SPATA16: variants seen among roughly 807,000 people sequenced by gnomAD.
The protein encoded by SPATA16 is spermatogenesis-associated protein 16.
SPATA16 carries 36 observed loss-of-function variants against 63.3 expected under a neutral mutation model. The observed-to-expected ratio is 0.57, with a 90% CI of 0.44 to 0.75. The LOEUF is 0.75. Among genes scored for constraint, SPATA16 ranks in the 30% least tolerant of loss-of-function variants. SPATA16 has a pLI of 0.00. For synonymous variants in SPATA16, 203 were observed against 216.7 expected (o/e 0.94, Z 0.56); for missense variants, 646 against 679.3 (o/e 0.95, Z 0.54).
intron 2 of SPATA16, among the ~76,000 whole-genome samples, chr3:173,092,968 T>C (rs1201005368): frequency 1.3e-5 from 2 of 152,006 alleles, no homozygotes; most frequent in Non-Finnish European, 2.9e-5. Flanking sequence ...CATTGTACTG[T>C]ATTTCCTTTT....
intron 2 of SPATA16, among the ~76,000 whole-genome samples, chr3:173,072,391 T>C (rs2108308019): frequency 6.6e-6 from 1 of 152,262 alleles, no homozygotes. Flanking sequence ...AAGGTGGTGA[T>C]ATGGTTTGGC....
chr3:173,073,683 A>T (rs1245959646), intron 2 of SPATA16, among the ~76,000 whole-genome samples: 1 of 152,234 alleles, frequency 6.6e-6, no homozygotes, highest in Non-Finnish European at 1.5e-5. Context: ...ACCCTCATGG[A>T]GAACCTCTGC....
At chr3:173,066,108 C>T (rs1299666154) in intron 2 of SPATA16, among the ~76,000 whole-genome samples, 2 of 152,104 alleles carry the variant, frequency 1.3e-5, no homozygotes, top group Admixed American at 1.3e-4. Context: ...GACTGTGCCT[C>T]ACAATTTCGA....
intron 2 of SPATA16, among the ~76,000 whole-genome samples, chr3:173,066,954 G>T (rs1461839831): frequency 6.8e-6 from 1 of 148,122 alleles, no homozygotes; most frequent in Non-Finnish European, 1.5e-5. Flanking sequence ...CTTCATTAGA[G>T]AAACAAAGAT....
intron 1 of SPATA16, among the ~76,000 whole-genome samples, chr3:173,132,482 G>A (rs560342000): frequency 8.5e-5 from 13 of 152,232 alleles, no homozygotes; most frequent in African/African-American, 3.1e-4. Flanking sequence ...ATTGACTGTT[G>A]TCACTTGACT....
At chr3:172,913,380 G>A (rs577804347) in intron 10 of SPATA16, among the ~76,000 whole-genome samples, 4 of 152,186 alleles carry the variant, frequency 2.6e-5, no homozygotes, top group South Asian at 2.1e-4. Flanking sequence ...AACCGAGAAC[G>A]AAGGCGCAGA....
intron 2 of SPATA16, among the ~76,000 whole-genome samples, chr3:173,098,804 CTT>C (rs1227886881): frequency 6.6e-6 from 1 of 152,268 alleles, no homozygotes; most frequent in East Asian, 1.9e-4. Context: ...ATGGAATACT[CTT>C]TTCTGATAGA....
At chr3:172,960,721 G>T (rs1379651858) in intron 5 of SPATA16, among the ~76,000 whole-genome samples, 1 of 152,046 alleles carries the variant, frequency 6.6e-6, no homozygotes, top group East Asian at 1.9e-4. Context: ...CAGCAAAAAA[G>T]AAACAAAATT....
chr3:173,106,494 C>T (rs1040888347), intron 2 of SPATA16, among the ~76,000 whole-genome samples: 1 of 152,192 alleles, frequency 6.6e-6, no homozygotes, highest in Non-Finnish European at 1.5e-5. Context: ...TAGTAACCAG[C>T]ACAATGTTGC....
chr3:172,974,045 CCTTT>C (rs1734102271), intron 5 of SPATA16, among the ~76,000 whole-genome samples: 1 of 152,096 alleles, frequency 6.6e-6, no homozygotes, highest in Non-Finnish European at 1.5e-5. Flanking sequence ...GTGCTTTATG[CCTTT>C]CTTTTCCTTG....
intron 5 of SPATA16, among the ~76,000 whole-genome samples, chr3:172,969,953 G>A (rs750803507): frequency 5.3e-5 from 8 of 152,296 alleles, no homozygotes; most frequent in East Asian, 1.9e-4. Flanking sequence ...CGAAAGATCC[G>A]TGAAATACAC....
intron 10 of SPATA16, among the ~76,000 whole-genome samples, chr3:172,906,690 T>C (rs1352111863): frequency 1.3e-5 from 2 of 152,222 alleles, no homozygotes; most frequent in Non-Finnish European, 2.9e-5. Context: ...TGCCATTTAC[T>C]GGCTGTGTGA....
intron 5 of SPATA16, among the ~76,000 whole-genome samples, chr3:172,958,012 A>G (rs1560078813): frequency 2.0e-5 from 3 of 152,338 alleles, no homozygotes; most frequent in African/African-American, 7.2e-5. Flanking sequence ...TTATGTAAAA[A>G]TTAGTGGTGG....
chr3:173,052,671 T>C (rs1031986787), intron 2 of SPATA16, among the ~76,000 whole-genome samples: 1 of 152,212 alleles, frequency 6.6e-6, no homozygotes, highest in Non-Finnish European at 1.5e-5. Context: ...AATTTTAACA[T>C]TTCCATATAG....
At chr3:172,989,881 T>A (rs1560089589) in intron 4 of SPATA16, among the ~76,000 whole-genome samples, 1 of 152,216 alleles carries the variant, frequency 6.6e-6, no homozygotes, top group Non-Finnish European at 1.5e-5. Context: ...CTTGCAAAAC[T>A]TATAGAAGCT....
chr3:173,105,530 C>A (rs902242271), intron 2 of SPATA16, among the ~76,000 whole-genome samples: 1 of 152,122 alleles, frequency 6.6e-6, no homozygotes, highest in African/African-American at 2.4e-5. Context: ...GAATTATTCA[C>A]ACTTCTCCAA....
chr3:172,913,685 T>A lies in SPATA16; in HGVS notation c.1563A>T (p.Glu521Asp). The A allele has an allele frequency of 1.9e-6, 3 of 1,613,738 alleles. No homozygotes were observed. Among genetic ancestry groups the A allele is most frequent in the Non-Finnish European group, 2.5e-6 (3 of 1,179,748 alleles). Reference sequence around the variant, plus strand: ...CCTTTTGGATCATATTCCACACACGTTCATTATTGTTTCTTCTTCCTTCAA... The same window carrying A: ...CCTTTTGGATCATATTCCACACACGATCATTATTGTTTCTTCTTCCTTCAA... ...DTLEGRRNNNERVWNMIQKVG... is the reference protein window; with the variant it reads ...DTLEGRRNNNDRVWNMIQKVG... The change falls in exon 10 of 11, where the codon GAA (glutamate) becomes GAT (aspartate). Residue 521 changes from glutamate to aspartate, a missense_variant. Transcript: ENST00000351008.
intron 2 of SPATA16, among the ~76,000 whole-genome samples, chr3:173,108,186 AG>A (rs1737664026): frequency 6.6e-6 from 1 of 152,138 alleles, no homozygotes; most frequent in Non-Finnish European, 1.5e-5. Flanking sequence ...ATGAATTTAA[AG>A]TTTCAGAGAC....
chr3:173,074,725 G>A (rs1736749427), intron 2 of SPATA16, among the ~76,000 whole-genome samples: 2 of 152,218 alleles, frequency 1.3e-5, no homozygotes, highest in Admixed American at 6.5e-5. Context: ...ATGGGGGAAG[G>A]AGGGAAAGGG....
Sources: gnomAD v4.1 joint callset for allele counts (sites outside exome capture counted in the v4.1 genomes callset) on GRCh38, gnomAD v4.1.1 for gene constraint, MANE v1.5 for transcripts, NCBI Gene and HGNC (gene_info 2026-07-23, HGNC 2026-07-21) for gene names.